The following ABTB2 variants were observed in gnomAD, a reference collection of about 807,000 sequenced individuals.
ABTB2 encodes ankyrin repeat and BTB domain containing 2, also known as ankyrin repeat and BTB/POZ domain-containing protein 2.
Under a neutral mutation model 104.1 loss-of-function variants are expected in ABTB2, and 56 were observed. That is an observed-to-expected ratio of 0.54 (90% confidence interval 0.43 to 0.67). The LOEUF is 0.67. Among genes scored for constraint, ABTB2 ranks in the 30% least tolerant of loss-of-function variants. ABTB2 has a pLI of 0.00. For missense variants in ABTB2, 1,279 were observed against 1,407.7 expected (o/e 0.91, Z 1.46); for synonymous variants, 606 against 608.2 (o/e 1.00, Z 0.05).
chr11:34,273,907 C>G (rs148759445), intron 1 of ABTB2, among the ~76,000 whole-genome samples: 17,446 of 151,650 alleles, frequency 0.12, 1,197 homozygotes, highest in Admixed American at 0.21. Flanking sequence ...AATCCCAGCA[C>G]TTTGGGAGGC....
intron 1 of ABTB2, among the ~76,000 whole-genome samples, chr11:34,281,091 C>T (rs73497330): frequency 0.041 from 6,197 of 152,116 alleles, 434 homozygotes; most frequent in African/African-American, 0.14. Context: ...TCTAGGCATT[C>T]CAGGAATGGG....
intron 1 of ABTB2, among the ~76,000 whole-genome samples, chr11:34,264,485 A>T (rs986681834): frequency 1.3e-5 from 2 of 152,174 alleles, no homozygotes; most frequent in African/African-American, 4.8e-5. Flanking sequence ...TTGCCCAGCT[A>T]CTCGAGGGAG....
chr11:34,212,211 C>T (rs978991438), intron 1 of ABTB2, among the ~76,000 whole-genome samples: 3 of 152,078 alleles, frequency 2.0e-5, no homozygotes, highest in East Asian at 1.9e-4. Context: ...CACCCACCAC[C>T]ATGCTCGGCT....
At chr11:34,195,075 C>CA (rs1554982287) in intron 3 of ABTB2, among the ~76,000 whole-genome samples, 1 of 18,066 alleles carries the variant, frequency 5.5e-5, no homozygotes, top group Admixed American at 6.6e-4. Context: ...AGATGCCCGG[C>CA]GGGGGGGGGG....
At chr11:34,316,666 C>T (rs761833539) in intron 1 of ABTB2, among the ~76,000 whole-genome samples, 16 of 152,168 alleles carry the variant, frequency 1.1e-4, no homozygotes, top group Non-Finnish European at 1.6e-4. Flanking sequence ...TTAAGATAAT[C>T]CATGAGCCCC....
chr11:34,315,068 A>G (rs1160549619), intron 1 of ABTB2, among the ~76,000 whole-genome samples: 1 of 152,228 alleles, frequency 6.6e-6, no homozygotes, highest in Non-Finnish European at 1.5e-5. Flanking sequence ...TCCTCGCCAG[A>G]AGGGCTCAAA....
At position 34,152,531 on chromosome 11, in the gene ABTB2, G is replaced by A. The variant is rs1401646713; in HGVS notation, c.2934C>T (p.His978=). The A allele has an allele frequency of 1.2e-6, 2 of 1,612,550 alleles. No individual in the cohort carries two copies. The highest frequency in any genetic ancestry group is 2.2e-5 in the South Asian group (2 of 90,572). ...CATCCTGCTCCAGTAGGGCCTTCAT[G>A]TGCTTGAGGAAGAAGCCCTCACAGA... The part of the protein sequence containing the change: ...ALFCEGFFLK[H]MKALLEQDAF... The change falls in exon 17 of 17, where the codon CAC becomes CAT. Residue 978 remains histidine, a synonymous_variant. Coordinates refer to ENST00000435224, the MANE Select transcript of ABTB2 (RefSeq NM_145804.3).
intron 1 of ABTB2, among the ~76,000 whole-genome samples, chr11:34,313,538 C>T (rs933212544): frequency 2.0e-5 from 3 of 152,244 alleles, no homozygotes; most frequent in Non-Finnish European, 4.4e-5. Context: ...GCCTCATACA[C>T]AGCCCAGTCA....
intron 1 of ABTB2, among the ~76,000 whole-genome samples, chr11:34,228,706 C>T (rs563709220): frequency 6.6e-6 from 1 of 152,234 alleles, no homozygotes; most frequent in South Asian, 2.1e-4. Context: ...AACCACCATG[C>T]TTGTTTTCCA....
intron 3 of ABTB2, among the ~76,000 whole-genome samples, chr11:34,180,920 G>C (rs573116702): frequency 2.0e-5 from 3 of 152,148 alleles, no homozygotes; most frequent in African/African-American, 7.2e-5. Flanking sequence ...GTTTTGTTTT[G>C]TTTTGAGACA....
At chr11:34,228,447 T>C (rs759135650) in intron 1 of ABTB2, among the ~76,000 whole-genome samples, 2 of 152,096 alleles carry the variant, frequency 1.3e-5, no homozygotes, top group Non-Finnish European at 2.9e-5. Flanking sequence ...CTCAGTAGCA[T>C]GATCTTGGCT....
At chr11:34,321,114 G>A (rs1440743050) in intron 1 of ABTB2, among the ~76,000 whole-genome samples, 5 of 152,118 alleles carry the variant, frequency 3.3e-5, no homozygotes, top group Non-Finnish European at 5.9e-5. Context: ...CCCAGGAGGC[G>A]GAGGTTGCAG....
intron 1 of ABTB2, among the ~76,000 whole-genome samples, chr11:34,339,466 C>A (rs375541632): frequency 4.6e-5 from 7 of 152,198 alleles, no homozygotes; most frequent in African/African-American, 1.7e-4. Flanking sequence ...CTGAGTTACC[C>A]ATTAACTATG....
At chr11:34,198,176 G>A (rs989437436) in intron 2 of ABTB2, among the ~76,000 whole-genome samples, 1 of 152,198 alleles carries the variant, frequency 6.6e-6, no homozygotes, top group Admixed American at 6.5e-5. Flanking sequence ...GTAATCCCAA[G>A]CCCTTGGGGA....
intron 2 of ABTB2, among the ~76,000 whole-genome samples, chr11:34,197,847 C>T (rs578014315): frequency 6.6e-6 from 1 of 152,216 alleles, no homozygotes; most frequent in Non-Finnish European, 1.5e-5. Flanking sequence ...TCATGGGCCT[C>T]TCCCCAGATC....
intron 14 of ABTB2, among the ~76,000 whole-genome samples, chr11:34,158,998 G>C (rs1852670185): frequency 6.6e-6 from 1 of 152,132 alleles, no homozygotes; most frequent in African/African-American, 2.4e-5. Context: ...TGATAACAAG[G>C]ACTCACACCC....
chr11:34,300,971 T>C lies in ABTB2; in HGVS notation c.883+55730A>G, dbSNP rs901314257. On this transcript the variant is annotated intron_variant, in intron 1 of 16. Transcript: ENST00000435224. The stretch of plus-strand genomic sequence containing the variant: ...TGTGGAGGGCAGAGGAGGATCCATC[T>C]AGTTCCCGTGGGTAGATATAATTGT... 2.6e-5 allele frequency among the ~76,000 whole-genome samples: 4 copies of C among 152,212 alleles called. No homozygotes were observed. The East Asian group carries it at 7.7e-4, about 29-fold the overall frequency.
intron 1 of ABTB2, among the ~76,000 whole-genome samples, chr11:34,244,763 T>C (rs1051934310): frequency 6.6e-6 from 1 of 152,186 alleles, no homozygotes; most frequent in Non-Finnish European, 1.5e-5. Context: ...ATCCCAGCAC[T>C]TTGGGAGACC....
chr11:34,192,437 C>T (rs1853191107), intron 3 of ABTB2, among the ~76,000 whole-genome samples: 2 of 152,190 alleles, frequency 1.3e-5, no homozygotes, highest in African/African-American at 4.8e-5. Context: ...TAGCAGGGCC[C>T]TCCTCAGATG....
Sources: allele counts gnomAD v4.1 joint callset (sites outside exome capture counted in the v4.1 genomes callset), GRCh38; gene constraint gnomAD v4.1.1; transcripts MANE v1.5; gene names NCBI Gene and HGNC (gene_info 2026-07-23, HGNC 2026-07-21).